The following MRPL38 variants were observed in gnomAD, a reference collection of about 807,000 sequenced individuals.
MRPL38 encodes large ribosomal subunit protein mL38.
MRPL38 carries 51 observed loss-of-function variants against 52.1 expected under a neutral mutation model. The observed-to-expected ratio is 0.98, with a 90% CI of 0.78 to 1.24. The LOEUF (loss-of-function observed/expected upper bound fraction) is 1.24, where lower values mean the gene tolerates loss of function less well. Among genes scored for constraint, MRPL38 ranks in the 50% most tolerant of loss-of-function variants. MRPL38 has a pLI of 0.00. For missense variants in MRPL38, 527 were observed against 518.6 expected, an observed-to-expected ratio of 1.02 and a Z score of -0.16; for synonymous variants, 245 against 212.7, an observed-to-expected ratio of 1.15 and a Z score of -1.32.
chr17:75,899,544 A>T lies in MRPL38; in HGVS notation c.841T>A (p.Phe281Ile). The T allele has an allele frequency of 6.2e-7, 1 of 1,600,814 alleles. No individual in the cohort carries two copies. The highest frequency in any genetic ancestry group is 2.2e-5 in the East Asian group (1 of 44,448). ...GGTGAGGGGCGTGCGTCCTCAGAGA[A>T]GTCAATCGGCTGGTCCTGCTTGAAG... ...LLFKQDQPID[F>I]SEDARPSPCY... The change falls in exon 7 of 9, where the codon TTC (phenylalanine) becomes ATC (isoleucine). Residue 281 changes from phenylalanine to isoleucine, a missense_variant. Physicochemically the swap from Phe to Ile is conservative, Grantham distance 21. Coordinates refer to ENST00000309352, the MANE Select transcript of MRPL38 (RefSeq NM_032478.4).
chr17:75,904,122 G>A, intron 2 of MRPL38: 1 of 428,910 alleles, frequency 2.3e-6, no homozygotes, highest in South Asian at 1.8e-5. Flanking sequence ...CGGGTGCAAG[G>A]ATCCAATGGA....
chr17:75,901,370 C>T lies in MRPL38; in HGVS notation c.592-97G>A, dbSNP rs1353015257. On this transcript the variant is annotated intron_variant, in intron 4 of 8. Transcript: ENST00000309352. This position sits in a 1 kb window ranked among gnomAD's most constrained non-coding sequence, Gnocchi z 5.7. ...GGGGTGCCCACTCTGACCCAAAAGC[C>T]CTTGACAACCCCTGGCACAGGCAGG... 1.7e-6 allele frequency: 2 copies of T among 1,194,900 alleles called. No homozygotes were observed. The highest frequency in any genetic ancestry group is 2.4e-6 in the Non-Finnish European group (2 of 825,450). The allele number at this position is 1,194,900 out of a possible 1,614,324, so 74.0% of individuals were successfully genotyped here.
intron 1 of MRPL38, 39 bp downstream of exon 1, chr17:75,904,770 G>GGGGCGCCCC: frequency 2.0e-6 from 1 of 500,008 alleles, no homozygotes; most frequent in Non-Finnish European, 2.8e-6. Flanking sequence ...TCGGGCGACA[G>GGGGCGCCCC]CCCCCCCCCC....
At position 75,899,322 on chromosome 17, in the gene MRPL38, G is replaced by A. The variant is rs375580066; in HGVS notation, c.870-28C>T. On this transcript the variant is annotated intron_variant, in intron 7 of 8. Coordinates refer to ENST00000309352, the MANE Select transcript of MRPL38 (RefSeq NM_032478.4). ...ATGAGAAGATAGAGAGCGTATGAGA[G>A]TGTGGAGTGGGGCACCAGAGCCCCT... is the stretch of plus-strand genomic sequence containing the variant. 1.9e-5 allele frequency: 30 copies of A among 1,606,968 alleles called. No homozygotes were observed. The African/African-American group carries it at 3.5e-4, about 19-fold the overall frequency.
rs987986813 is a variant in MRPL38 at position 75,901,771 on chromosome 17, C to T, written c.532G>A (p.Ala178Thr). 4 of 1,613,626 alleles carry T rather than the reference C, an allele frequency of 2.5e-6. No homozygotes were observed. Among genetic ancestry groups the T allele is most frequent in the East Asian group, 2.2e-5 (1 of 44,882 alleles). The change falls in exon 4 of 9, where the codon GCT becomes ACT. Residue 178 changes from alanine to threonine, a missense_variant. Coordinates refer to ENST00000309352, the MANE Select transcript of MRPL38 (RefSeq NM_032478.4). The surrounding 1 kb of genome is among the most constrained non-coding windows in gnomAD (Gnocchi z 5.7). ...GGCATCAGGTCATCCTCACCCACAG[C>T]GTAGGCCACGTGCAGGGGGACTCGG... ...VPRVPLHVAY[A>T]VGEDDLMPVY... is the part of the protein sequence containing the mutation.
chr17:75,904,344 A>G, intron 2 of MRPL38, 196 bp downstream of exon 2: 1 of 724,666 alleles, frequency 1.4e-6, no homozygotes, highest in Non-Finnish European at 2.5e-6. Flanking sequence ...TTTTCCAAGA[A>G]TGAGGTGCAG....
intron 2 of MRPL38, among the ~76,000 whole-genome samples, chr17:75,902,954 C>G (rs1040331197): frequency 2.0e-5 from 3 of 151,976 alleles, no homozygotes; most frequent in African/African-American, 7.3e-5. Context: ...CTGTGTTTTT[C>G]TGATCCCCAA....
At chr17:75,904,768 C>CGGGGGGGGGGGGGG in intron 1 of MRPL38, 41 bp downstream of exon 1, 1 of 1,056,384 alleles carries the variant, frequency 9.5e-7, no homozygotes. Context: ...GCTCGGGCGA[C>CGGGGGGGGGGGGGG]AGCCCCCCCC....
At position 75,898,706 on chromosome 17, in the gene MRPL38, C is replaced by T; in HGVS notation, c.*144G>A. Reference sequence around the variant, plus strand: ...CACCACCTGAGAGTCACTTTCACTCCAAGCCCTGGGCCTGACGGGAGGGGG... The same window carrying T: ...CACCACCTGAGAGTCACTTTCACTCTAAGCCCTGGGCCTGACGGGAGGGGG... On this transcript the variant is annotated 3_prime_UTR_variant, in exon 9 of 9. Coordinates refer to ENST00000309352, the MANE Select transcript of MRPL38 (RefSeq NM_032478.4). 1.1e-6 allele frequency: 1 copy of T among 933,432 alleles called. No homozygotes were observed. The highest frequency in any genetic ancestry group is 1.6e-6 in the Non-Finnish European group (1 of 628,376). 57.8% of individuals were successfully genotyped at this position (933,432 alleles called of 1,614,324 possible). A position where few individuals can be genotyped will look rare whatever the true frequency, so the allele number is the denominator to read the frequency against.
intron 6 of MRPL38, chr17:75,900,664 T>G: frequency 2.5e-6 from 2 of 788,454 alleles, no homozygotes; most frequent in Non-Finnish European, 3.3e-6. Flanking sequence ...GCGGCTGCAA[T>G]TAGCCATGAT....
Position 75,901,178 on chromosome 17 carries a change from C to T in MRPL38, c.664+23G>A. 6.2e-7 allele frequency: 1 copy of T among 1,612,482 alleles called. No homozygotes were observed. Among genetic ancestry groups the T allele is most frequent in the Non-Finnish European group, 8.5e-7 (1 of 1,179,346 alleles). On this transcript the variant is annotated intron_variant, in intron 5 of 8. Coordinates refer to ENST00000309352, the MANE Select transcript of MRPL38 (RefSeq NM_032478.4). The surrounding 1 kb of genome is among the most constrained non-coding windows in gnomAD (Gnocchi z 5.7). ...CATAGGAGGTGAGCGGGGCAGGAGGCCTGGTGAGCCCCAGACACCCACCCA... is the reference window on the plus strand; with the variant it reads ...CATAGGAGGTGAGCGGGGCAGGAGGTCTGGTGAGCCCCAGACACCCACCCA...
In MRPL38 at chr17:75,902,867, G is replaced by A. The variant is rs147942263; in HGVS notation, c.248-713C>T. ...CTTCTGAGTAGCTGGGATTACAGGC[G>A]CCTGCCACCATGCCCGACTAATTTT... On this transcript the variant is annotated intron_variant, in intron 2 of 8. Transcript: ENST00000309352. Among the ~76,000 whole-genome samples the A allele has an allele frequency of 9.8e-3, 1,495 of 152,236 alleles. 30 individuals are homozygous for A. The highest frequency in any genetic ancestry group is 0.033 in the African/African-American group (1,386 of 41,536).
rs2065405261 is a variant in MRPL38 at position 75,901,754 on chromosome 17, G to A, written c.549C>T (p.Asp183=). 1 of 1,613,852 alleles carries A rather than the reference G, an allele frequency of 6.2e-7. No homozygotes were observed. Among genetic ancestry groups the A allele is most frequent in the Non-Finnish European group, 8.5e-7 (1 of 1,179,882 alleles). ...LHVAYAVGED[D]LMPVYCGNEV... ...CATTGCCACAGTACACAGGCATCAG[G>A]TCATCCTCACCCACAGCGTAGGCCA... Residue 183 remains aspartate, a synonymous_variant, in exon 4 of 9, where the codon GAC becomes GAT. Transcript: ENST00000309352. The surrounding 1 kb of genome is among the most constrained non-coding windows in gnomAD (Gnocchi z 5.7).
At chr17:75,904,770 G>GGGGGC in intron 1 of MRPL38, 39 bp downstream of exon 1, 1 of 500,008 alleles carries the variant, frequency 2.0e-6, no homozygotes, top group Non-Finnish European at 2.8e-6. Context: ...TCGGGCGACA[G>GGGGGC]CCCCCCCCCC....
At position 75,904,698 on chromosome 17, in the gene MRPL38, G is replaced by C. The variant is rs369217975; in HGVS notation, c.89C>G (p.Pro30Arg). 1,033 of 1,592,762 alleles carry C rather than the reference G, an allele frequency of 6.5e-4. 8 individuals carry two copies. Among genetic ancestry groups the C allele is most frequent in the Middle Eastern group, 1.8e-3 (11 of 5,970 alleles). ...ACTGTTGGGCATCGGCCCCAGCGGG[G>C]GTGTCCGGCGGCCCAGGACGGCTGC... is the stretch of plus-strand genomic sequence containing the variant. ...STSAVLGRRT[P>R]PLGPMPNSDI... The change falls in exon 2 of 9, where the codon CCC (proline) becomes CGC (arginine). Residue 30 changes from proline (P) to arginine (R), a missense_variant. Pro to Arg is a moderately radical substitution (Grantham distance 103). Transcript: ENST00000309352.
intron 1 of MRPL38, 34 bp downstream of exon 1, chr17:75,904,775 C>G: frequency 2.3e-5 from 14 of 603,628 alleles, no homozygotes; most frequent in Non-Finnish European, 2.8e-5. Flanking sequence ...CGACAGCCCC[C>G]CCCCCCCCCC....
intron 2 of MRPL38, 52 bp downstream of exon 2, chr17:75,904,488 G>T: frequency 6.8e-7 from 1 of 1,463,154 alleles, no homozygotes; most frequent in South Asian, 1.4e-5. Context: ...ACGCCGGCGG[G>T]TCCCGAGTTC....
At chr17:75,900,625 G>T in intron 6 of MRPL38, 1 of 347,986 alleles carries the variant, frequency 2.9e-6, no homozygotes, top group Non-Finnish European at 4.5e-6. Flanking sequence ...GGAGACTGAG[G>T]TGGGAAGAGC....
Position 75,901,823 on chromosome 17 carries a change from G to A in MRPL38, c.480C>T (p.Asp160=). 6.2e-7 allele frequency: 1 copy of A among 1,613,550 alleles called. No homozygotes were observed. The highest frequency in any genetic ancestry group is 1.1e-5 in the South Asian group (1 of 91,074). The change falls in exon 4 of 9, where the codon GAC becomes GAT. Residue 160 remains aspartate, a synonymous_variant. Transcript: ENST00000309352. This position sits in a 1 kb window ranked among gnomAD's most constrained non-coding sequence, Gnocchi z 5.7. ...RLAEYYGLYR[D]LFHGATFVPR... ...GCACAAAGGTGGCACCGTGGAACAG[G>A]TCTCGGTAGAGGCCGTAATACTCAG...
Sources: allele counts gnomAD v4.1 joint callset (sites outside exome capture counted in the v4.1 genomes callset), GRCh38; gene constraint gnomAD v4.1.1; non-coding constraint Gnocchi (gnomAD v3.1); transcripts MANE v1.5; gene names NCBI Gene and HGNC (gene_info 2026-07-23, HGNC 2026-07-21).